IGSF21: variants seen among roughly 807,000 people sequenced by gnomAD.
IGSF21 encodes the protein immunoglobulin superfamily member 21.
A neutral mutation model predicts 46.8 loss-of-function variants in IGSF21; 28 were observed. The observed-to-expected ratio is 0.60, with a 90% CI of 0.44 to 0.82. The LOEUF is 0.82. Ranked by LOEUF, IGSF21 falls within the 40% of genes least tolerant of loss-of-function variation. IGSF21 has a pLI of 0.00. For synonymous variants in IGSF21, 284 were observed against 273.6 expected (o/e 1.04, Z -0.38); for missense variants, 624 against 665.5 (o/e 0.94, Z 0.69).
At position 18,208,395 on chromosome 1, in the gene IGSF21, A is replaced by ATATATATATT. The variant is rs369367032; in HGVS notation, c.71-19502_71-19501insATATATATTT. Among the ~76,000 whole-genome samples, 474 of 123,760 alleles carry ATATATATATT rather than the reference A, an allele frequency of 3.8e-3. 16 individuals are homozygous for ATATATATATT. Among genetic ancestry groups the ATATATATATT allele is most frequent in the Admixed American group, 5.6e-3 (68 of 12,238 alleles). 81.2% of individuals were successfully genotyped at this position (123,760 alleles called of 152,430 possible). On this transcript the variant is annotated intron_variant, in intron 1 of 9. Coordinates refer to ENST00000251296, the MANE Select transcript of IGSF21 (RefSeq NM_032880.5). ...AGGAATAATATATATATATATATAT[A>ATATATATATT]TTTTTTGAGACGGAGTCTTGCTGTC...
Position 18,183,175 on chromosome 1 carries a change from A to G in IGSF21, c.71-44723A>G, listed in dbSNP as rs60530749. ...AGGTAATTCCCCTGGCGGAGGCACG[A>G]TCTTACCTTGCCCTGCATGTCTGAA... On this transcript the variant is annotated intron_variant, in intron 1 of 9. Transcript: ENST00000251296. 9.7e-3 allele frequency among the ~76,000 whole-genome samples: 1,479 copies of G among 152,296 alleles called. 26 individuals carry two copies. The highest frequency in any genetic ancestry group is 0.034 in the African/African-American group (1,412 of 41,556).
intron 1 of IGSF21, among the ~76,000 whole-genome samples, chr1:18,141,790 T>TG (rs2086417393): frequency 6.6e-6 from 1 of 152,170 alleles, no homozygotes; most frequent in Admixed American, 6.6e-5. Context: ...AGTTCATGGC[T>TG]GGGCACAGTG....
At chr1:18,183,401 T>C (rs1442617360) in intron 1 of IGSF21, among the ~76,000 whole-genome samples, 1 of 152,168 alleles carries the variant, frequency 6.6e-6, no homozygotes, top group African/African-American at 2.4e-5. Flanking sequence ...AGGTAGCTGG[T>C]AACAATGAAT....
intron 3 of IGSF21, among the ~76,000 whole-genome samples, chr1:18,333,509 T>C (rs2085735735): frequency 6.6e-6 from 1 of 152,222 alleles, no homozygotes; most frequent in Non-Finnish European, 1.5e-5. Flanking sequence ...AGGGACATCA[T>C]TGCATTTAAT....
intron 1 of IGSF21, among the ~76,000 whole-genome samples, chr1:18,146,071 T>C (rs1242571096): frequency 2.6e-5 from 4 of 152,086 alleles, no homozygotes; most frequent in Admixed American, 6.6e-5. Context: ...CCCTCTCTGA[T>C]CCTGTTTACA....
At chr1:18,196,031 T>G (rs2087004348) in intron 1 of IGSF21, among the ~76,000 whole-genome samples, 2 of 152,116 alleles carry the variant, frequency 1.3e-5, no homozygotes, top group South Asian at 4.1e-4. Flanking sequence ...GCTGGGGGGT[T>G]GTGTGCAGAG....
intron 4 of IGSF21, among the ~76,000 whole-genome samples, chr1:18,360,278 C>T (rs1284341267): frequency 6.6e-6 from 1 of 152,176 alleles, no homozygotes; most frequent in Admixed American, 6.6e-5. Context: ...TGCGATCTTA[C>T]GCTTAATTAC....
chr1:18,349,604 G>C (rs1196521860), intron 4 of IGSF21, among the ~76,000 whole-genome samples: 3 of 152,138 alleles, frequency 2.0e-5, no homozygotes, highest in African/African-American at 7.2e-5. Flanking sequence ...AAGGGGCAGG[G>C]AGTAACATAT....
At chr1:18,163,594 A>G (rs2086649272) in intron 1 of IGSF21, among the ~76,000 whole-genome samples, 1 of 152,216 alleles carries the variant, frequency 6.6e-6, no homozygotes, top group South Asian at 2.1e-4. Context: ...GCAGGAGACA[A>G]GGCTCCTGAG....
intron 3 of IGSF21, among the ~76,000 whole-genome samples, chr1:18,300,879 A>C (rs2085354159): frequency 6.6e-6 from 1 of 152,066 alleles, no homozygotes; most frequent in Non-Finnish European, 1.5e-5. Flanking sequence ...AGACTGCAGG[A>C]ATCTGCTCTC....
intron 2 of IGSF21, among the ~76,000 whole-genome samples, chr1:18,257,719 A>G (rs1343778260): frequency 1.3e-5 from 2 of 152,214 alleles, no homozygotes; most frequent in African/African-American, 4.8e-5. Context: ...AGGTTCAGAC[A>G]TTACAACCTG....
chr1:18,197,866 T>A (rs1474584283), intron 1 of IGSF21, among the ~76,000 whole-genome samples: 3 of 152,262 alleles, frequency 2.0e-5, no homozygotes, highest in Non-Finnish European at 4.4e-5. Flanking sequence ...TGTCAGCTCC[T>A]GTCACTGTGA....
At chr1:18,243,547 C>T (rs1414338980) in intron 2 of IGSF21, among the ~76,000 whole-genome samples, 1 of 152,200 alleles carries the variant, frequency 6.6e-6, no homozygotes, top group Non-Finnish European at 1.5e-5. Flanking sequence ...GCCCCCAAAT[C>T]CAGTATCCAC....
chr1:18,314,052 A>G (rs535916263), intron 3 of IGSF21, among the ~76,000 whole-genome samples: 15 of 152,322 alleles, frequency 9.8e-5, no homozygotes, highest in African/African-American at 3.6e-4. Context: ...CAGAATGAAA[A>G]TATCATTGGG....
At chr1:18,174,045 C>T (rs1220411363) in intron 1 of IGSF21, among the ~76,000 whole-genome samples, 3 of 152,198 alleles carry the variant, frequency 2.0e-5, no homozygotes, top group Non-Finnish European at 2.9e-5. Context: ...TGAGCCACCG[C>T]GCCTGGCCTC....
At position 18,265,991 on chromosome 1, in the gene IGSF21, G is replaced by A. The variant is rs555336679; in HGVS notation, c.184-25875G>A. ...GCTTTTAGGGATTTAATGCAGCCTTGATGAAGCCCGGAGACAGGGGCAAGG... is the reference window on the plus strand; with the variant it reads ...GCTTTTAGGGATTTAATGCAGCCTTAATGAAGCCCGGAGACAGGGGCAAGG... On this transcript the variant is annotated intron_variant, in intron 2 of 9. Coordinates refer to ENST00000251296, the MANE Select transcript of IGSF21 (RefSeq NM_032880.5). Among the ~76,000 whole-genome samples the A allele has an allele frequency of 1.4e-4, 22 of 152,280 alleles. 2 individuals are homozygous for A. In the South Asian group the frequency reaches 4.6e-3, roughly 32 times the overall value.
intron 1 of IGSF21, among the ~76,000 whole-genome samples, chr1:18,124,378 G>A (rs1043297165): frequency 1.3e-5 from 2 of 152,174 alleles, no homozygotes; most frequent in Admixed American, 1.3e-4. Flanking sequence ...CATTTTACAG[G>A]AGAAAGAACT....
intron 2 of IGSF21, among the ~76,000 whole-genome samples, chr1:18,256,512 G>A (rs898267690): frequency 6.6e-6 from 1 of 152,126 alleles, no homozygotes; most frequent in African/African-American, 2.4e-5. Flanking sequence ...CCGTGGTGCT[G>A]ATAGTTCCCG....
chr1:18,273,500 CTTTCTTTCT>C (rs1557618618), intron 2 of IGSF21, among the ~76,000 whole-genome samples: 7 of 74,574 alleles, frequency 9.4e-5, no homozygotes, highest in African/African-American at 3.7e-4. Context: ...TTCTTTCTTT[CTTTCTTTCT>C]TTCTTTCTTT....
Sources: allele counts gnomAD v4.1 joint callset (sites outside exome capture counted in the v4.1 genomes callset), GRCh38; gene constraint gnomAD v4.1.1; transcripts MANE v1.5; gene names NCBI Gene and HGNC (gene_info 2026-07-23, HGNC 2026-07-21).